ADGRB3: variants seen among roughly 807,000 people sequenced by gnomAD.
ADGRB3 encodes the protein adhesion G protein-coupled receptor B3.
ADGRB3 carries 37 observed loss-of-function variants against 193.4 expected under a neutral mutation model. That is an observed-to-expected ratio of 0.19 (90% confidence interval 0.15 to 0.25). ADGRB3 has a LOEUF of 0.25. Among genes scored for constraint, ADGRB3 ranks in the 10% least tolerant of loss-of-function variants. The pLI is 1.00. For synonymous variants in ADGRB3, 690 were observed against 644.2 expected, an observed-to-expected ratio of 1.07 and a Z score of -1.08; for missense variants, 1,637 against 1,852.9, an observed-to-expected ratio of 0.88 and a Z score of 2.14.
At chr6:68,920,793 T>TAA (rs147748338) in intron 3 of ADGRB3, among the ~76,000 whole-genome samples, 4 of 150,802 alleles carry the variant, frequency 2.7e-5, no homozygotes, top group African/African-American at 9.7e-5. Flanking sequence ...ATGAAGAAAC[T>TAA]AAAAAAAAAT....
At chr6:69,037,960 C>A (rs1205667449) in intron 13 of ADGRB3, among the ~76,000 whole-genome samples, 3 of 152,122 alleles carry the variant, frequency 2.0e-5, no homozygotes, top group Non-Finnish European at 1.5e-5. Flanking sequence ...TGTGTCTCCC[C>A]AAATACTATG....
In ADGRB3 at chr6:68,799,702, G is replaced by C. The variant is rs953655542; in HGVS notation, c.758-130857G>C. Among the ~76,000 whole-genome samples, 67 of 152,196 alleles carry C rather than the reference G, an allele frequency of 4.4e-4. 1 individual carries two copies. The highest frequency in any genetic ancestry group is 3.4e-3 in the Middle Eastern group (1 of 294). On this transcript the variant is annotated intron_variant, in intron 3 of 31. Transcript: ENST00000370598. The stretch of plus-strand genomic sequence containing the variant: ...AAAGCACATGAGGAAATAGATAAAG[G>C]CCATGGTTAAAAAAGATCCCTGTGA...
At chr6:69,266,242 G>C in intron 20 of ADGRB3, among the ~76,000 whole-genome samples, 1 of 151,970 alleles carries the variant, frequency 6.6e-6, no homozygotes, top group Admixed American at 6.6e-5. Context: ...GTCAAAGGAT[G>C]ATGTAGGGTG....
chr6:68,759,457 A>C (rs867086479), intron 3 of ADGRB3, among the ~76,000 whole-genome samples: 1 of 152,076 alleles, frequency 6.6e-6, no homozygotes, highest in African/African-American at 2.4e-5. Context: ...CTCACTAATT[A>C]TATCTGTTAA....
chr6:68,865,010 A>C (rs747628955), intron 3 of ADGRB3, among the ~76,000 whole-genome samples: 2 of 152,130 alleles, frequency 1.3e-5, no homozygotes, highest in Non-Finnish European at 2.9e-5. Flanking sequence ...AATTTGAAGG[A>C]ATGATGAAAT....
intron 17 of ADGRB3, among the ~76,000 whole-genome samples, chr6:69,147,285 A>G (rs1023891560): frequency 6.6e-5 from 10 of 152,142 alleles, no homozygotes; most frequent in East Asian, 3.8e-4. Flanking sequence ...ACTTGTAGCT[A>G]TAAAATTCCC....
chr6:69,121,533 G>A (rs2150329903), intron 17 of ADGRB3, among the ~76,000 whole-genome samples: 1 of 152,098 alleles, frequency 6.6e-6, no homozygotes, highest in South Asian at 2.1e-4. Context: ...CGGAGCTGTT[G>A]GGTACACTTC....
chr6:68,973,819 CTAA>C (rs1230304480), intron 8 of ADGRB3, among the ~76,000 whole-genome samples: 2 of 152,090 alleles, frequency 1.3e-5, no homozygotes, highest in Admixed American at 6.6e-5. Context: ...AGAGAAGGGA[CTAA>C]TATTCTTTCA....
intron 3 of ADGRB3, among the ~76,000 whole-genome samples, chr6:68,749,404 A>G (rs1024696931): frequency 1.5e-3 from 165 of 107,512 alleles, no homozygotes; most frequent in Non-Finnish European, 2.9e-4. Flanking sequence ...TTATATATAT[A>G]TATATGTGTG....
At chr6:69,329,415 T>A (rs554354760) in intron 22 of ADGRB3, among the ~76,000 whole-genome samples, 3 of 152,338 alleles carry the variant, frequency 2.0e-5, no homozygotes, top group African/African-American at 7.2e-5. Flanking sequence ...TATCTCTTTG[T>A]GTACATATAT....
chr6:69,197,462 A>G (rs928340283), intron 17 of ADGRB3, among the ~76,000 whole-genome samples: 1 of 152,038 alleles, frequency 6.6e-6, no homozygotes, highest in Non-Finnish European at 1.5e-5. Context: ...CTTAATTGAA[A>G]AACTCTGATA....
chr6:69,071,884 G>T (rs913722626), intron 16 of ADGRB3, among the ~76,000 whole-genome samples: 5 of 151,710 alleles, frequency 3.3e-5, no homozygotes, highest in Non-Finnish European at 4.4e-5. Context: ...TTGTTATATT[G>T]GGCTACTTCT....
At chr6:68,934,501 G>T (rs1256999446) in intron 4 of ADGRB3, among the ~76,000 whole-genome samples, 1 of 152,100 alleles carries the variant, frequency 6.6e-6, no homozygotes, top group Non-Finnish European at 1.5e-5. Context: ...TGCTTTTATG[G>T]TAAAATAGAA....
intron 26 of ADGRB3, among the ~76,000 whole-genome samples, chr6:69,342,188 A>G (rs948450295): frequency 6.6e-6 from 1 of 152,138 alleles, no homozygotes; most frequent in Non-Finnish European, 1.5e-5. Flanking sequence ...GTCTCTAAAT[A>G]CATGTTTTCT....
intron 3 of ADGRB3, among the ~76,000 whole-genome samples, chr6:68,805,931 A>G (rs1258053719): frequency 6.6e-6 from 1 of 152,138 alleles, no homozygotes; most frequent in African/African-American, 2.4e-5. Flanking sequence ...CCAAGAATTT[A>G]TTTTTGTCTT....
intron 17 of ADGRB3, among the ~76,000 whole-genome samples, chr6:69,190,433 T>C (rs1449403496): frequency 6.6e-6 from 1 of 151,820 alleles, no homozygotes; most frequent in Non-Finnish European, 1.5e-5. Context: ...AATAGAGATA[T>C]AAAGAAAGAA....
chr6:69,134,874 GAGC>G (rs1352984395), intron 17 of ADGRB3, among the ~76,000 whole-genome samples: 1 of 151,918 alleles, frequency 6.6e-6, no homozygotes, highest in East Asian at 1.9e-4. Context: ...AGGAATTGAA[GAGC>G]AACATCTCCA....
chr6:68,757,463 A>G (rs568537484), intron 3 of ADGRB3, among the ~76,000 whole-genome samples: 2 of 152,102 alleles, frequency 1.3e-5, no homozygotes, highest in Non-Finnish European at 2.9e-5. Flanking sequence ...ACTGACTTTT[A>G]GTTTAAGATT....
Position 68,744,645 on chromosome 6 carries a change from C to T in ADGRB3, c.757+105213C>T, listed in dbSNP as rs1430809253. On this transcript the variant is annotated intron_variant, in intron 3 of 31. Transcript: ENST00000370598. ...AGCAAACTATCACAAAAACAGAAAA[C>T]CAAACACCACATGTTCTCACTCATA... Among the ~76,000 whole-genome samples the T allele has an allele frequency of 2.6e-5, 4 of 152,014 alleles. No individual in the cohort carries two copies. The East Asian group carries it at 5.8e-4, about 22-fold the overall frequency.
Sources: gnomAD v4.1 joint callset for allele counts (sites outside exome capture counted in the v4.1 genomes callset) on GRCh38, gnomAD v4.1.1 for gene constraint, MANE v1.5 for transcripts, NCBI Gene and HGNC (gene_info 2026-07-23, HGNC 2026-07-21) for gene names.